The following CEP112 variants were observed in gnomAD, a reference collection of about 807,000 sequenced individuals.
CEP112 encodes the protein centrosomal protein 112, also known as centrosomal protein of 112 kDa.
In CEP112, 127 loss-of-function variants were observed where a neutral mutation model predicts 153.0. The ratio of observed to expected loss-of-function variants is 0.83; its 90% confidence interval spans 0.72 to 0.96. The LOEUF (loss-of-function observed/expected upper bound fraction) is 0.96, where lower values mean the gene tolerates loss of function less well. Ranked by LOEUF, CEP112 falls within the 40% of genes least tolerant of loss-of-function variation. The pLI, the probability that CEP112 is intolerant of heterozygous loss-of-function variation, is 0.00. For missense variants in CEP112, 1,089 were observed against 1,101.2 expected (o/e 0.99, Z 0.16); for synonymous variants, 358 against 374.4 (o/e 0.96, Z 0.51).
intron 19 of CEP112, among the ~76,000 whole-genome samples, chr17:65,912,422 C>A (rs1170097043): frequency 6.6e-6 from 1 of 152,170 alleles, no homozygotes; most frequent in East Asian, 1.9e-4. Context: ...AGGAAACCAC[C>A]ATGGAGGTGG....
intron 6 of CEP112, among the ~76,000 whole-genome samples, chr17:66,113,006 T>C (rs1277827318): frequency 6.6e-6 from 1 of 151,992 alleles, no homozygotes; most frequent in Non-Finnish European, 1.5e-5. Context: ...GAGGTAGACG[T>C]TGCAGTGAGC....
chr17:65,655,158 G>GT (rs2045995750), intron 24 of CEP112: 2 of 752,566 alleles, frequency 2.7e-6, no homozygotes, highest in African/African-American at 3.4e-5. Context: ...AATTAAAAGT[G>GT]TATGTAGGCA....
intron 16 of CEP112, among the ~76,000 whole-genome samples, chr17:66,016,035 G>A (rs1362455070): frequency 2.0e-5 from 3 of 152,140 alleles, no homozygotes; most frequent in East Asian, 1.9e-4. Context: ...CTATGTGATC[G>A]TAAGTCTGCT....
Position 66,108,326 on chromosome 17 carries a change from T to C in CEP112, c.643-11694A>G, listed in dbSNP as rs191415561. Reference sequence around the variant, plus strand: ...GGATCTTGTCATGTCAAAAAGCTTCTGCACAACCAAGGAAACAATCACAAA... The same window carrying C: ...GGATCTTGTCATGTCAAAAAGCTTCCGCACAACCAAGGAAACAATCACAAA... On this transcript the variant is annotated intron_variant, in intron 6 of 26. Transcript: ENST00000535342. Among the ~76,000 whole-genome samples the C allele has an allele frequency of 4.6e-5, 7 of 152,166 alleles. No individual in the cohort carries two copies. In the East Asian group the frequency reaches 7.7e-4, roughly 17 times the overall value.
intron 21 of CEP112, among the ~76,000 whole-genome samples, chr17:65,813,066 T>C (rs779288441): frequency 2.0e-5 from 3 of 152,168 alleles, no homozygotes; most frequent in Non-Finnish European, 2.9e-5. Context: ...TGAGTGAGCA[T>C]TTCCTCTGAA....
In CEP112 at chr17:65,753,591, G is replaced by A. The variant is rs1909993560; in HGVS notation, c.2395-2867C>T. On this transcript the variant is annotated intron_variant, in intron 21 of 26. Transcript: ENST00000535342. ...TGACTCCAGCTCTATTATGATTAAAGCCACTCTCCACCAGAATTAGGGCTA... is the reference window on the plus strand; with the variant it reads ...TGACTCCAGCTCTATTATGATTAAAACCACTCTCCACCAGAATTAGGGCTA... Among the ~76,000 whole-genome samples the A allele has an allele frequency of 2.0e-5, 3 of 152,062 alleles. No homozygotes were observed. In the South Asian group the frequency reaches 6.2e-4, roughly 32 times the overall value.
At chr17:65,673,706 G>T (rs1269895507) in intron 24 of CEP112, among the ~76,000 whole-genome samples, 1 of 152,160 alleles carries the variant, frequency 6.6e-6, no homozygotes, top group African/African-American at 2.4e-5. Flanking sequence ...CTAGGTTAGA[G>T]AGTACCTTCC....
chr17:65,956,539 C>T (rs988468216), intron 18 of CEP112, among the ~76,000 whole-genome samples: 3 of 151,892 alleles, frequency 2.0e-5, no homozygotes, highest in Admixed American at 6.6e-5. Flanking sequence ...AACCAAACAT[C>T]GTATGTTCTT....
chr17:65,654,855 T>C (rs2045976118), intron 24 of CEP112: 1 of 442,702 alleles, frequency 2.3e-6, no homozygotes. Flanking sequence ...AAGACTTAAA[T>C]TCTGAATAAG....
chr17:65,874,854 T>C (rs1287498154), intron 20 of CEP112, among the ~76,000 whole-genome samples: 1 of 152,136 alleles, frequency 6.6e-6, no homozygotes, highest in African/African-American at 2.4e-5. Context: ...GACAAAACTA[T>C]GCCTGTAAAT....
chr17:66,057,758 TACACAC>T (rs71160526), intron 11 of CEP112, among the ~76,000 whole-genome samples: 14,885 of 142,220 alleles, frequency 0.1, 830 homozygotes, highest in South Asian at 0.18. Context: ...AAAATTACTC[TACACAC>T]ACACACACAC....
At chr17:65,995,961 T>G (rs1158400960) in intron 17 of CEP112, among the ~76,000 whole-genome samples, 1 of 152,186 alleles carries the variant, frequency 6.6e-6, no homozygotes, top group Non-Finnish European at 1.5e-5. Flanking sequence ...TTGTGAGGCC[T>G]CCCCAGCCAC....
chr17:65,833,756 A>C (rs1354742143), intron 21 of CEP112, among the ~76,000 whole-genome samples: 1 of 152,202 alleles, frequency 6.6e-6, no homozygotes, highest in African/African-American at 2.4e-5. Flanking sequence ...GATTGGAAGA[A>C]CCAATATCAT....
chr17:65,790,990 G>A (rs2054561896), intron 21 of CEP112, among the ~76,000 whole-genome samples: 1 of 151,738 alleles, frequency 6.6e-6, no homozygotes, highest in South Asian at 2.1e-4. Context: ...AGCACTGCAG[G>A]CTACCCTATC....
At chr17:65,986,295 A>G (rs2063404624) in intron 17 of CEP112, among the ~76,000 whole-genome samples, 1 of 152,210 alleles carries the variant, frequency 6.6e-6, no homozygotes, top group Non-Finnish European at 1.5e-5. Context: ...TTAAAAATAT[A>G]TCTATACAGA....
In CEP112 at chr17:65,793,816, G is replaced by A. The variant is rs1425544419; in HGVS notation, c.2395-43092C>T. Among the ~76,000 whole-genome samples the A allele has an allele frequency of 2.6e-5, 4 of 152,088 alleles. No individual in the cohort carries two copies. The East Asian group carries it at 7.7e-4, about 29-fold the overall frequency. ...TGTGTATTCCTGGAAAAGTTCTTCTGGAAAGGATAATCTTTGTTGTACAAT... is the reference window on the plus strand; with the variant it reads ...TGTGTATTCCTGGAAAAGTTCTTCTAGAAAGGATAATCTTTGTTGTACAAT... On this transcript the variant is annotated intron_variant, in intron 21 of 26. Transcript: ENST00000535342.
intron 23 of CEP112, among the ~76,000 whole-genome samples, chr17:65,727,408 C>T (rs2050241935): frequency 6.6e-6 from 1 of 152,172 alleles, no homozygotes; most frequent in South Asian, 2.1e-4. Flanking sequence ...ATTTCTTTGG[C>T]AGAGTTCTTC....
At chr17:66,010,706 T>C (rs1185491957) in intron 16 of CEP112, among the ~76,000 whole-genome samples, 1 of 152,226 alleles carries the variant, frequency 6.6e-6, no homozygotes, top group Non-Finnish European at 1.5e-5. Flanking sequence ...TCTGCAGCTA[T>C]TGAGATGATC....
At position 65,902,334 on chromosome 17, in the gene CEP112, T is replaced by A; in HGVS notation, c.1981A>T (p.Ile661Leu). 6.2e-7 allele frequency: 1 copy of A among 1,611,950 alleles called. No homozygotes were observed. Among genetic ancestry groups the A allele is most frequent in the African/African-American group, 1.3e-5 (1 of 74,932 alleles). The change falls in exon 20 of 27, where the codon ATA becomes TTA. Residue 661 changes from isoleucine to leucine, a missense_variant and splice_region_variant. Ile to Leu is a conservative substitution (Grantham distance 5, BLOSUM62 2). Transcript: ENST00000535342. ...EDIRQRYEQQIVELKLEHEQE... is the reference protein window; with the variant it reads ...EDIRQRYEQQLVELKLEHEQE... ...TCATGCTCCAGCTTCAGCTCTACTA[T>A]CTGATTGGACAATGAGGAGGACAGT...
Sources: allele counts gnomAD v4.1 joint callset (sites outside exome capture counted in the v4.1 genomes callset), GRCh38; gene constraint gnomAD v4.1.1; transcripts MANE v1.5; gene names NCBI Gene and HGNC (gene_info 2026-07-23, HGNC 2026-07-21).